Variants in LRP2 observed in about 807,000 individuals in gnomAD.
The protein encoded by LRP2 is LDL receptor related protein 2, also known as low-density lipoprotein receptor-related protein 2.
In LRP2, 172 loss-of-function variants were observed where a neutral mutation model predicts 531.0. That is an observed-to-expected ratio of 0.32 (90% CI 0.29 to 0.37). LRP2 has a LOEUF of 0.37. Ranked by LOEUF, LRP2 falls within the 10% of genes least tolerant of loss-of-function variation. The pLI is 1.00. For missense variants in LRP2, 5,167 were observed against 5,868.3 expected (o/e 0.88, Z 3.90); for synonymous variants, 1,992 against 2,027.6 (o/e 0.98, Z 0.47).
At chr2:169,155,528 C>G (rs1020731956) in intron 65 of LRP2, among the ~76,000 whole-genome samples, 1 of 152,104 alleles carries the variant, frequency 6.6e-6, no homozygotes, top group African/African-American at 2.4e-5. Flanking sequence ...TCTTAATTTA[C>G]AAAATAAAGT....
rs765538610 is a variant in LRP2, at chr2:169,354,392, C to T, written c.79+7929G>A. Among the ~76,000 whole-genome samples the T allele has an allele frequency of 2.2e-4, 33 of 152,296 alleles. 1 individual carries two copies. Among genetic ancestry groups the T allele is most frequent in the South Asian group, 1.7e-3 (8 of 4,824 alleles). On this transcript the variant is annotated intron_variant, in intron 1 of 78. Transcript: ENST00000649046. The stretch of plus-strand genomic sequence containing the variant: ...GATCTCAAGATCTGGACAATAAATG[C>T]GCCATTGTATCCATGGTAACAGTGG...
intron 33 of LRP2, among the ~76,000 whole-genome samples, chr2:169,221,310 C>T (rs144524406): frequency 1.2e-3 from 187 of 152,204 alleles, no homozygotes; most frequent in East Asian, 0.011. Context: ...TTATTGTATT[C>T]GATCCTCATA....
intron 46 of LRP2, 140 bp from the exon 47 acceptor site, chr2:169,194,032 C>T: frequency 1.1e-6 from 1 of 886,458 alleles, no homozygotes; most frequent in Admixed American, 2.0e-5. Flanking sequence ...GGTAGTCCTC[C>T]AATAAGACTA....
intron 77 of LRP2, among the ~76,000 whole-genome samples, chr2:169,130,776 C>T (rs181282100): frequency 6.6e-6 from 1 of 152,278 alleles, no homozygotes; most frequent in East Asian, 1.9e-4. Context: ...ATGGAAGACA[C>T]ATTTTAGAGG....
chr2:169,259,287 C>T, intron 16 of LRP2, 70 bp from the exon 17 acceptor site: 1 of 1,063,384 alleles, frequency 9.4e-7, no homozygotes, highest in East Asian at 2.6e-5. Flanking sequence ...CCTACTAATG[C>T]ACACTGAAAT....
intron 1 of LRP2, among the ~76,000 whole-genome samples, chr2:169,359,840 C>T (rs1304606705): frequency 2.6e-5 from 4 of 152,038 alleles, no homozygotes; most frequent in Admixed American, 6.6e-5. Context: ...AAAGAGAAAT[C>T]GGGCCAGGTG....
intron 16 of LRP2, among the ~76,000 whole-genome samples, chr2:169,261,521 C>CAA (rs34719462): frequency 0.02 from 2,542 of 129,614 alleles, 62 homozygotes; most frequent in African/African-American, 0.067. Flanking sequence ...TGTACTCATT[C>CAA]AAAAAAAAAA....
chr2:169,269,233 C>G (rs1683328521), intron 16 of LRP2, among the ~76,000 whole-genome samples: 1 of 152,092 alleles, frequency 6.6e-6, no homozygotes, highest in African/African-American at 2.4e-5. Context: ...TGACTTTCTT[C>G]ACAGAATTGG....
intron 15 of LRP2, among the ~76,000 whole-genome samples, chr2:169,272,257 G>T (rs767129684): frequency 1.3e-5 from 2 of 152,102 alleles, no homozygotes; most frequent in Non-Finnish European, 2.9e-5. Context: ...GGGCCCAGGC[G>T]ATGGCTTAAG....
chr2:169,168,965 G>A (rs1286078256), intron 60 of LRP2, among the ~76,000 whole-genome samples: 1 of 152,166 alleles, frequency 6.6e-6, no homozygotes, highest in African/African-American at 2.4e-5. Context: ...CATTTATAAA[G>A]TCTCTTTGGC....
chr2:169,181,695 T>TTCTC, intron 51 of LRP2, 77 bp from the exon 52 acceptor site: 3 of 1,310,124 alleles, frequency 2.3e-6, no homozygotes, highest in Non-Finnish European at 3.3e-6. Flanking sequence ...TTTTCTCCAT[T>TTCTC]TAGAGAAATG....
chr2:169,132,809 A>G, intron 76 of LRP2, 128 bp from the exon 77 acceptor site: 1 of 692,102 alleles, frequency 1.4e-6, no homozygotes, highest in Non-Finnish European at 2.7e-6. Context: ...ATCAGGCACC[A>G]TTTTTATTGC....
At chr2:169,269,141 A>G (rs1683323371) in intron 16 of LRP2, among the ~76,000 whole-genome samples, 1 of 152,188 alleles carries the variant, frequency 6.6e-6, no homozygotes, top group Admixed American at 6.5e-5. Context: ...ATGCTCATGG[A>G]TAGGAAGAAT....
intron 1 of LRP2, among the ~76,000 whole-genome samples, chr2:169,360,789 TG>T (rs1686128563): frequency 6.6e-6 from 1 of 152,226 alleles, no homozygotes; most frequent in African/African-American, 2.4e-5. Context: ...GCAAGACCTG[TG>T]GGGTTTGTTA....
At chr2:169,148,757 C>T (rs1365714883) in intron 68 of LRP2, among the ~76,000 whole-genome samples, 1 of 152,052 alleles carries the variant, frequency 6.6e-6, no homozygotes, top group Non-Finnish European at 1.5e-5. Flanking sequence ...TTTTTGTTTC[C>T]TCCATGACTT....
intron 16 of LRP2, 73 bp downstream of exon 16, chr2:169,270,829 CAA>C: frequency 1.1e-6 from 1 of 897,520 alleles, no homozygotes; most frequent in Non-Finnish European, 1.7e-6. Flanking sequence ...TTTTAATTAT[CAA>C]GTTGTAAGTA....
At chr2:169,169,071 G>T (rs62172584) in intron 60 of LRP2, among the ~76,000 whole-genome samples, 3,083 of 152,316 alleles carry the variant, frequency 0.02, 39 homozygotes, top group Non-Finnish European at 0.03. Context: ...AGTTTGCATT[G>T]ATTCAAGTGA....
chr2:169,160,695 A>AAAAAAAAAAAAACAAAAAAAAAC (rs1686552068), intron 63 of LRP2, among the ~76,000 whole-genome samples: 43 of 151,602 alleles, frequency 2.8e-4, no homozygotes, highest in East Asian at 1.9e-4. Context: ...AAAAAAAAAA[A>AAAAAAAAAAAAACAAAAAAAAAC]CCTGCTACTA....
intron 29 of LRP2, among the ~76,000 whole-genome samples, chr2:169,235,432 T>G (rs373272608): frequency 3.1e-4 from 47 of 151,654 alleles, no homozygotes; most frequent in African/African-American, 1.0e-3. Context: ...AGAGATGAGG[T>G]TTCACCATGT....
Sources: gnomAD v4.1 joint callset for allele counts (sites outside exome capture counted in the v4.1 genomes callset) on GRCh38, gnomAD v4.1.1 for gene constraint, MANE v1.5 for transcripts, NCBI Gene and HGNC (gene_info 2026-07-23, HGNC 2026-07-21) for gene names.